TNFSF11: variants seen among roughly 807,000 people sequenced by gnomAD.
TNFSF11 encodes the protein tumor necrosis factor ligand superfamily member 11.
A neutral mutation model predicts 32.2 loss-of-function variants in TNFSF11; 12 were observed. The ratio of observed to expected loss-of-function variants is 0.37; its 90% CI spans 0.24 to 0.60. The LOEUF is 0.60. Among genes scored for constraint, TNFSF11 ranks in the 20% least tolerant of loss-of-function variants. The probability of loss-of-function intolerance (pLI) is 0.66; values close to 1 mark genes in which losing one functional copy is unlikely to be tolerated. For synonymous variants in TNFSF11, 172 were observed against 152.1 expected, an observed-to-expected ratio of 1.13 and a Z score of -0.96; for missense variants, 345 against 398.0, an observed-to-expected ratio of 0.87 and a Z score of 1.13.
upstream of TNFSF11, among the ~76,000 whole-genome samples, chr13:42,571,140 G>A (rs1873052233): frequency 6.6e-6 from 1 of 152,206 alleles, no homozygotes; most frequent in Non-Finnish European, 1.5e-5. Context: ...GAGAATTTAA[G>A]GATGCCATGG....
At chr13:42,574,937 G>C (rs749018531) in intron 1 of TNFSF11, among the ~76,000 whole-genome samples, 1 of 152,234 alleles carries the variant, frequency 6.6e-6, no homozygotes, top group Non-Finnish European at 1.5e-5. Context: ...CCTTCACTTG[G>C]GCATCTACCT....
intron 2 of TNFSF11, among the ~76,000 whole-genome samples, chr13:42,589,021 A>G (rs541305653): frequency 2.6e-5 from 4 of 152,224 alleles, no homozygotes; most frequent in Non-Finnish European, 5.9e-5. Flanking sequence ...TTTGCCCTTC[A>G]AGAACACTAG....
intron 1 of TNFSF11, among the ~76,000 whole-genome samples, chr13:42,563,121 G>A (rs1460226721): frequency 6.6e-6 from 1 of 152,176 alleles, no homozygotes; most frequent in Admixed American, 6.5e-5. Flanking sequence ...AGCTCAGAGA[G>A]CACCAACCCA....
At chr13:42,590,902 A>T in intron 2 of TNFSF11, among the ~76,000 whole-genome samples, 1 of 152,242 alleles carries the variant, frequency 6.6e-6, no homozygotes, top group Non-Finnish European at 1.5e-5. Flanking sequence ...AGTCTGCTTT[A>T]TGAAAACAAG....
At chr13:42,604,748 A>T (rs894313425) in intron 4 of TNFSF11, among the ~76,000 whole-genome samples, 3 of 152,102 alleles carry the variant, frequency 2.0e-5, no homozygotes, top group African/African-American at 7.2e-5. Flanking sequence ...CTAGGCTGGG[A>T]AGGTAACTAG....
At chr13:42,563,001 ACAGT>A (rs1197091808) in intron 1 of TNFSF11, 1 of 152,238 alleles carries the variant, frequency 6.6e-6, no homozygotes, top group Non-Finnish European at 1.5e-5. Flanking sequence ...AGAACTGTAA[ACAGT>A]CAGCTAGGGA....
At chr13:42,589,560 A>G (rs1874065273) in intron 2 of TNFSF11, among the ~76,000 whole-genome samples, 2 of 152,200 alleles carry the variant, frequency 1.3e-5, no homozygotes, top group African/African-American at 4.8e-5. Flanking sequence ...AGTCCTCTGT[A>G]TTCTGGAAAG....
At chr13:42,594,784 C>G (rs554238983) in intron 2 of TNFSF11, among the ~76,000 whole-genome samples, 1 of 152,178 alleles carries the variant, frequency 6.6e-6, no homozygotes, top group Non-Finnish European at 1.5e-5. Flanking sequence ...AAAGTCTGCA[C>G]AGCCAGGCTC....
chr13:42,577,168 G>A (rs1004187089), intron 1 of TNFSF11, among the ~76,000 whole-genome samples: 3 of 152,176 alleles, frequency 2.0e-5, no homozygotes, highest in South Asian at 2.1e-4. Context: ...TGACGAATTA[G>A]TTTTATTGTT....
chr13:42,607,522 A>C lies in TNFSF11; in HGVS notation c.*604A>C, dbSNP rs1869529962. The C allele has an allele frequency of 6.5e-6, 1 of 152,824 alleles. No individual in the cohort carries two copies. Among genetic ancestry groups the C allele is most frequent in the African/African-American group, 2.4e-5 (1 of 41,454 alleles). 9.5% of individuals were successfully genotyped at this position (152,824 alleles called of 1,614,324 possible). A position where few individuals can be genotyped will look rare whatever the true frequency, so the allele number is the denominator to read the frequency against. On this transcript the variant is annotated 3_prime_UTR_variant, in exon 5 of 5. Coordinates refer to ENST00000398795, the MANE Select transcript of TNFSF11 (RefSeq NM_003701.4). ...TATTTAATGTTTTAAATGTACAGAC[A>C]TATTTAACTGGTGCACTTTGTAAAT...
chr13:42,573,724 A>G (rs1873154453), upstream of TNFSF11, among the ~76,000 whole-genome samples: 1 of 152,190 alleles, frequency 6.6e-6, no homozygotes, highest in South Asian at 2.1e-4. Flanking sequence ...GAGAGGTTGG[A>G]CAGGAAGGGT....
intron 1 of TNFSF11, among the ~76,000 whole-genome samples, chr13:42,565,449 GGA>G (rs1872836679): frequency 1.3e-5 from 2 of 151,762 alleles, no homozygotes; most frequent in African/African-American, 4.8e-5. Flanking sequence ...AGCTTTGTGG[GGA>G]CAACAATTAT....
intron 4 of TNFSF11, among the ~76,000 whole-genome samples, chr13:42,606,220 G>A (rs1264364508): frequency 1.3e-5 from 2 of 152,144 alleles, no homozygotes; most frequent in Admixed American, 6.5e-5. Context: ...CCTTACTTCT[G>A]CTCTGAACAC....
At position 42,606,582 on chromosome 13, in the gene TNFSF11, A is replaced by G. The variant is rs770524066; in HGVS notation, c.618A>G (p.Leu206=). The G allele has an allele frequency of 1.2e-6, 2 of 1,614,220 alleles. No individual in the cohort carries two copies. Among genetic ancestry groups the G allele is most frequent in the Non-Finnish European group, 1.7e-6 (2 of 1,180,026 alleles). ...ISNMTFSNGK[L]IVNQDGFYYL... is the part of the protein sequence containing the mutation. ...ACATGACTTTTAGCAATGGAAAACT[A>G]ATAGTTAATCAGGATGGCTTTTATT... The change falls in exon 5 of 5, where the codon CTA becomes CTG. Residue 206 remains leucine, a synonymous_variant. Coordinates refer to ENST00000398795, the MANE Select transcript of TNFSF11 (RefSeq NM_003701.4).
intron 2 of TNFSF11, among the ~76,000 whole-genome samples, chr13:42,587,823 A>G (rs895941699): frequency 1.3e-5 from 2 of 152,360 alleles, no homozygotes; most frequent in South Asian, 2.1e-4. Flanking sequence ...GCTCATTCCT[A>G]TTTTTGAACT....
At chr13:42,570,531 T>C (rs1408067216), upstream of TNFSF11, among the ~76,000 whole-genome samples, 1 of 152,248 alleles carries the variant, frequency 6.6e-6, no homozygotes, top group Non-Finnish European at 1.5e-5. Flanking sequence ...TGTTCTGGTG[T>C]CTTGGCATCT....
At chr13:42,580,294 A>G (rs1413114294) in intron 1 of TNFSF11, among the ~76,000 whole-genome samples, 1 of 152,228 alleles carries the variant, frequency 6.6e-6, no homozygotes, top group East Asian at 1.9e-4. Context: ...GTGATTAAAG[A>G]TATTCTAATG....
chr13:42,590,788 C>T (rs1251896345), intron 2 of TNFSF11, among the ~76,000 whole-genome samples: 1 of 152,128 alleles, frequency 6.6e-6, no homozygotes, highest in African/African-American at 2.4e-5. Flanking sequence ...CCCAAGGGGA[C>T]CTTTATCTGT....
chr13:42,572,853 G>A (rs1006270569), upstream of TNFSF11, among the ~76,000 whole-genome samples: 8 of 152,110 alleles, frequency 5.3e-5, no homozygotes, highest in African/African-American at 9.7e-5. Flanking sequence ...ACTCATTAGC[G>A]AATTAGGCAG....
Sources: gnomAD v4.1 joint callset for allele counts (sites outside exome capture counted in the v4.1 genomes callset) on GRCh38, gnomAD v4.1.1 for gene constraint, MANE v1.5 for transcripts, NCBI Gene and HGNC (gene_info 2026-07-23, HGNC 2026-07-21) for gene names.